Variants in DNM2 observed in about 807,000 individuals in gnomAD.
DNM2 encodes dynamin-2.
In DNM2, 15 loss-of-function variants were observed where a neutral mutation model predicts 99.0. The observed-to-expected ratio is 0.15, with a 90% CI of 0.10 to 0.23. The LOEUF is 0.23. Ranked by LOEUF, DNM2 falls within the 10% of genes least tolerant of loss-of-function variation. The pLI is 1.00. For synonymous variants in DNM2, 525 were observed against 481.2 expected, an observed-to-expected ratio of 1.09 and a Z score of -1.19; for missense variants, 742 against 1,189.4, an observed-to-expected ratio of 0.62 and a Z score of 5.53.
At chr19:10,808,464 G>C in intron 13 of DNM2, 105 bp from the exon 14 acceptor site, 1 of 1,287,548 alleles carries the variant, frequency 7.8e-7, no homozygotes, top group Non-Finnish European at 1.1e-6. Flanking sequence ...TCCTGTTTTT[G>C]TGCTTTTCCT....
chr19:10,792,646 C>T (rs1248090311), intron 7 of DNM2, among the ~76,000 whole-genome samples: 2 of 151,988 alleles, frequency 1.3e-5, no homozygotes, highest in Non-Finnish European at 2.9e-5. Flanking sequence ...TACTCTGTCT[C>T]GCCCAGGCTG....
Position 10,830,029 on chromosome 19 carries a change from A to T in DNM2, c.2292-98A>T. The T allele has an allele frequency of 6.4e-7, 1 of 1,559,022 alleles. No individual in the cohort carries two copies. Among genetic ancestry groups the T allele is most frequent in the Admixed American group, 1.7e-5 (1 of 59,920 alleles). ...ATCCCACTGCGCCTGCGCTGTCCCC[A>T]TAGCCAGCCCCCACCTCAGGTTCTG... On this transcript the variant is annotated intron_variant, in intron 19 of 20. Coordinates refer to ENST00000389253, the MANE Select transcript of DNM2 (RefSeq NM_001005361.3). The surrounding 1 kb of genome is among the most constrained non-coding windows in gnomAD (Gnocchi z 4.8).
At position 10,820,103 on chromosome 19, in the gene DNM2, G is replaced by T; in HGVS notation, c.1781+14G>T. On this transcript the variant is annotated intron_variant, in intron 16 of 20. Coordinates refer to ENST00000389253, the MANE Select transcript of DNM2 (RefSeq NM_001005361.3). This position sits in a 1 kb window ranked among gnomAD's most constrained non-coding sequence, Gnocchi z 4.3. Reference sequence around the variant, plus strand: ...CACGGAGCAGAGGTGAGGGGCCCAGGGGCCTGGGGATGGCTCGGGGTGAAG... The same window carrying T: ...CACGGAGCAGAGGTGAGGGGCCCAGTGGCCTGGGGATGGCTCGGGGTGAAG... 1 of 1,613,870 alleles carries T rather than the reference G, an allele frequency of 6.2e-7. No homozygotes were observed. Among genetic ancestry groups the T allele is most frequent in the Non-Finnish European group, 8.5e-7 (1 of 1,179,854 alleles).
At chr19:10,723,913 C>A (rs1255062482) in intron 1 of DNM2, among the ~76,000 whole-genome samples, 7 of 152,030 alleles carry the variant, frequency 4.6e-5, no homozygotes, top group Admixed American at 3.9e-4. Flanking sequence ...GCAACATAGA[C>A]CCCGTCTCTA....
chr19:10,724,394 G>A (rs1178005518), intron 1 of DNM2, among the ~76,000 whole-genome samples: 3 of 152,264 alleles, frequency 2.0e-5, no homozygotes, highest in Admixed American at 2.0e-4. Flanking sequence ...AGCCAGGATG[G>A]TCTCGATCTC....
At chr19:10,827,100 AC>A (rs1386014605) in intron 18 of DNM2, among the ~76,000 whole-genome samples, 1 of 152,058 alleles carries the variant, frequency 6.6e-6, no homozygotes, top group African/African-American at 2.4e-5. Context: ...AAACACACAC[AC>A]ACCTCCCACG....
intron 1 of DNM2, among the ~76,000 whole-genome samples, chr19:10,736,957 G>A (rs1335839091): frequency 6.6e-6 from 1 of 152,100 alleles, no homozygotes; most frequent in Admixed American, 6.6e-5. Context: ...GACCAGCCTG[G>A]GCAACATAAC....
chr19:10,803,226 G>C (rs1341568362), intron 12 of DNM2, among the ~76,000 whole-genome samples: 2 of 152,170 alleles, frequency 1.3e-5, no homozygotes, highest in Non-Finnish European at 2.9e-5. Context: ...GGCTTCCTAG[G>C]GGAGGGCCTC....
At chr19:10,732,998 C>T (rs1357374067) in intron 1 of DNM2, among the ~76,000 whole-genome samples, 1 of 151,936 alleles carries the variant, frequency 6.6e-6, no homozygotes, top group South Asian at 2.1e-4. Flanking sequence ...ATTCTCCTGC[C>T]TCAGCCTCCC....
chr19:10,829,330 G>T, intron 19 of DNM2, 62 bp downstream of exon 19: 1 of 1,578,006 alleles, frequency 6.3e-7, no homozygotes, highest in Non-Finnish European at 8.6e-7. Flanking sequence ...CCCTCCCTGT[G>T]TGTCCTGCAG....
chr19:10,793,141 CATT>C (rs1021559021), intron 7 of DNM2, among the ~76,000 whole-genome samples: 1 of 152,128 alleles, frequency 6.6e-6, no homozygotes, highest in African/African-American at 2.4e-5. Flanking sequence ...AATAACAGTG[CATT>C]TTAGGATCAG....
intron 1 of DNM2, among the ~76,000 whole-genome samples, chr19:10,725,988 A>T (rs2069101287): frequency 6.6e-6 from 1 of 152,104 alleles, no homozygotes; most frequent in Admixed American, 6.6e-5. Flanking sequence ...GGGGAGGCCG[A>T]GGCGGGCGGA....
At chr19:10,827,984 T>G (rs2073201097) in intron 18 of DNM2, among the ~76,000 whole-genome samples, 1 of 151,936 alleles carries the variant, frequency 6.6e-6, no homozygotes, top group Admixed American at 6.6e-5. Context: ...AGAAGCCAGG[T>G]GGAAGATGTA....
At chr19:10,742,280 G>A (rs562894483) in intron 1 of DNM2, among the ~76,000 whole-genome samples, 53 of 152,276 alleles carry the variant, frequency 3.5e-4, no homozygotes, top group African/African-American at 1.3e-3. Context: ...AGGCCCACCA[G>A]GAAAGGCTGT....
At chr19:10,808,153 AAAAG>A (rs886081176) in intron 13 of DNM2, among the ~76,000 whole-genome samples, 4 of 151,768 alleles carry the variant, frequency 2.6e-5, no homozygotes, top group East Asian at 2.0e-4. Flanking sequence ...AGGAAAAAAA[AAAAG>A]AAAGAAAGAA....
intron 6 of DNM2, chr19:10,786,317 G>C: frequency 1.7e-6 from 1 of 596,372 alleles, no homozygotes; most frequent in Non-Finnish European, 3.0e-6. Flanking sequence ...GATAGGCCCA[G>C]TGCCTGATGT....
intron 1 of DNM2, among the ~76,000 whole-genome samples, chr19:10,731,918 T>G (rs2069334299): frequency 6.6e-6 from 1 of 151,652 alleles, no homozygotes; most frequent in Non-Finnish European, 1.5e-5. Flanking sequence ...TGGAATGTGC[T>G]CCCAGCACTG....
chr19:10,802,063 G>A (rs542612198), intron 11 of DNM2, among the ~76,000 whole-genome samples: 470 of 152,268 alleles, frequency 3.1e-3, no homozygotes, highest in Non-Finnish European at 5.9e-3. Context: ...GGGGACAGCG[G>A]CCCTGCCTGT....
chr19:10,825,834 A>G (rs2073125787), intron 18 of DNM2, among the ~76,000 whole-genome samples: 1 of 145,978 alleles, frequency 6.9e-6, no homozygotes, highest in African/African-American at 2.7e-5. Flanking sequence ...AGCCTGGTTG[A>G]CAGAGCGAGA....
Sources: allele counts gnomAD v4.1 joint callset (sites outside exome capture counted in the v4.1 genomes callset), GRCh38; gene constraint gnomAD v4.1.1; non-coding constraint Gnocchi (gnomAD v3.1); transcripts MANE v1.5; gene names NCBI Gene and HGNC (gene_info 2026-07-23, HGNC 2026-07-21).